The following MERTK variants were observed in gnomAD, a reference collection of about 807,000 sequenced individuals.
The protein encoded by MERTK is MER proto-oncogene, tyrosine kinase, also known as tyrosine-protein kinase Mer.
Under a neutral mutation model 99.3 loss-of-function variants are expected in MERTK, and 69 were observed. That is an observed-to-expected ratio of 0.70 (90% confidence interval 0.57 to 0.85). MERTK has a LOEUF of 0.85. MERTK is among the 40% of genes least tolerant of loss of function. The probability of loss-of-function intolerance (pLI) is 0.00; values close to 1 mark genes in which losing one functional copy is unlikely to be tolerated. For synonymous variants in MERTK, 426 were observed against 467.6 expected (o/e 0.91, Z 1.15); for missense variants, 1,125 against 1,249.4 (o/e 0.90, Z 1.50).
At chr2:111,909,737 G>C (rs1455579964) in intron 1 of MERTK, among the ~76,000 whole-genome samples, 2 of 152,060 alleles carry the variant, frequency 1.3e-5, no homozygotes, top group African/African-American at 4.8e-5. Flanking sequence ...ATGTTTTCCA[G>C]GCCTTCTCCC....
At chr2:112,002,882 A>G (rs1676897727) in intron 11 of MERTK, among the ~76,000 whole-genome samples, 2 of 152,208 alleles carry the variant, frequency 1.3e-5, no homozygotes, top group Admixed American at 1.3e-4. Flanking sequence ...CTGAGGCACA[A>G]GAATCGCTTG....
intron 13 of MERTK, among the ~76,000 whole-genome samples, chr2:112,007,523 C>T (rs1359613678): frequency 6.6e-6 from 1 of 152,150 alleles, no homozygotes; most frequent in African/African-American, 2.4e-5. Flanking sequence ...TACCCTTTCT[C>T]CCCAGCCCTG....
chr2:111,960,480 CAAAAAA>C (rs61179378), intron 4 of MERTK, among the ~76,000 whole-genome samples: 1 of 75,944 alleles, frequency 1.3e-5, no homozygotes. Context: ...GTCTCAGTCT[CAAAAAA>C]AAAAAAAAAA....
intron 5 of MERTK, among the ~76,000 whole-genome samples, chr2:111,965,699 A>G (rs748882066): frequency 6.6e-6 from 1 of 152,034 alleles, no homozygotes. Flanking sequence ...GGCATGATCT[A>G]GGAAATGGAC....
intron 16 of MERTK, chr2:112,020,601 A>G (rs1436209339): frequency 4.2e-6 from 2 of 470,782 alleles, no homozygotes; most frequent in Non-Finnish European, 8.8e-6. Flanking sequence ...TTAATTCCTC[A>G]AGCACCCACC....
intron 13 of MERTK, among the ~76,000 whole-genome samples, chr2:112,004,412 T>C (rs377500484): frequency 6.6e-6 from 1 of 152,150 alleles, no homozygotes; most frequent in Non-Finnish European, 1.5e-5. Context: ...TTGAGGATGA[T>C]TGCATGGCCC....
chr2:111,953,882 A>G (rs534958465), intron 4 of MERTK, among the ~76,000 whole-genome samples: 1 of 152,102 alleles, frequency 6.6e-6, no homozygotes, highest in African/African-American at 2.4e-5. Flanking sequence ...GGCCCTGTAC[A>G]TTGTTCTCAA....
chr2:111,898,633 C>T lies in MERTK; in HGVS notation c.-103C>T. On this transcript the variant is annotated 5_prime_UTR_variant, in exon 1 of 19. Coordinates refer to ENST00000295408, the MANE Select transcript of MERTK (RefSeq NM_006343.3). Reference sequence around the variant, plus strand: ...CTCGGCACTCACTGCCCGGGCCGCCCGGACAGGGAGCTTCGCTGGCGCGCT... The same window carrying T: ...CTCGGCACTCACTGCCCGGGCCGCCTGGACAGGGAGCTTCGCTGGCGCGCT... The T allele has an allele frequency of 2.1e-6, 3 of 1,412,118 alleles. No individual in the cohort carries two copies. Among genetic ancestry groups the T allele is most frequent in the South Asian group, 1.2e-5 (1 of 80,610 alleles). 87.5% of individuals were successfully genotyped at this position (1,412,118 alleles called of 1,614,324 possible).
At chr2:112,017,338 T>G (rs1172572152) in intron 15 of MERTK, among the ~76,000 whole-genome samples, 1 of 152,148 alleles carries the variant, frequency 6.6e-6, no homozygotes, top group Admixed American at 6.5e-5. Context: ...CACTGATTGG[T>G]GCATTTACAA....
intron 1 of MERTK, among the ~76,000 whole-genome samples, chr2:111,915,384 T>C (rs202160119): frequency 6.6e-6 from 1 of 151,906 alleles, no homozygotes; most frequent in East Asian, 1.9e-4. Context: ...TTTTTTTATC[T>C]ATTATTTTCT....
intron 4 of MERTK, among the ~76,000 whole-genome samples, chr2:111,964,650 T>C (rs1406626481): frequency 6.6e-6 from 1 of 152,198 alleles, no homozygotes; most frequent in Non-Finnish European, 1.5e-5. Flanking sequence ...CATTTAGCAC[T>C]AGTGTCTTCT....
At chr2:111,950,274 T>A (rs1281661944) in intron 4 of MERTK, among the ~76,000 whole-genome samples, 1 of 152,234 alleles carries the variant, frequency 6.6e-6, no homozygotes. Context: ...TACTCTGTTG[T>A]ATTAATGTGT....
chr2:111,911,225 C>G (rs1021668003), intron 1 of MERTK, among the ~76,000 whole-genome samples: 2 of 152,062 alleles, frequency 1.3e-5, no homozygotes, highest in African/African-American at 4.8e-5. Flanking sequence ...TATAAAATTT[C>G]ATATAAATAG....
chr2:111,940,259 A>G (rs533491871), intron 2 of MERTK: 240 of 392,578 alleles, frequency 6.1e-4, no homozygotes, highest in Admixed American at 1.3e-3. Context: ...TCCCAATTGT[A>G]CTAAATAGAC....
At chr2:111,929,001 C>G in intron 1 of MERTK, 119 bp from the exon 2 acceptor site, 18 of 989,508 alleles carry the variant, frequency 1.8e-5, no homozygotes, top group Non-Finnish European at 2.8e-5. Context: ...TTCTGCTTAT[C>G]TTTTCCTGGG....
At chr2:111,972,407 C>T (rs951418652) in intron 6 of MERTK, among the ~76,000 whole-genome samples, 8 of 152,114 alleles carry the variant, frequency 5.3e-5, no homozygotes, top group East Asian at 1.9e-4. Context: ...CACCTTGAGA[C>T]GGCAGGTCTC....
Position 112,007,793 on chromosome 2 carries a change from T to A in MERTK, c.1868-590T>A, listed in dbSNP as rs112892596. On this transcript the variant is annotated intron_variant, in intron 13 of 18. Coordinates refer to ENST00000295408, the MANE Select transcript of MERTK (RefSeq NM_006343.3). ...AGAGGTGTGGGGTTCTTTCTTTTTT[T>A]AAAAAAAGCAAATATAATTGCAACA... Among the ~76,000 whole-genome samples the A allele has an allele frequency of 7.2e-3, 1,098 of 151,788 alleles. 17 individuals are homozygous for A. The highest frequency in any genetic ancestry group is 0.023 in the African/African-American group (952 of 41,448).
chr2:112,010,159 A>C (rs1677068492), intron 15 of MERTK, 93 bp downstream of exon 15: 1 of 979,514 alleles, frequency 1.0e-6, no homozygotes, highest in South Asian at 1.3e-5. Flanking sequence ...AAGTGAAGCC[A>C]GGAAGGAGAG....
intron 3 of MERTK, among the ~76,000 whole-genome samples, chr2:111,945,809 A>G (rs1684951778): frequency 6.6e-6 from 1 of 152,172 alleles, no homozygotes. Context: ...CATCTTTATT[A>G]TCACCCTCAG....
Sources: allele counts gnomAD v4.1 joint callset (sites outside exome capture counted in the v4.1 genomes callset), GRCh38; gene constraint gnomAD v4.1.1; transcripts MANE v1.5; gene names NCBI Gene and HGNC (gene_info 2026-07-23, HGNC 2026-07-21).